LRP1B: variants seen among roughly 807,000 people sequenced by gnomAD.
LRP1B encodes the protein LDL receptor related protein 1B.
LRP1B carries 217 observed loss-of-function variants against 556.6 expected under a neutral mutation model. That is an observed-to-expected ratio of 0.39 (90% CI 0.35 to 0.44). The LOEUF is 0.44. Among genes scored for constraint, LRP1B ranks in the 20% least tolerant of loss-of-function variants. The probability of loss-of-function intolerance (pLI) is 1.00; values close to 1 mark genes in which losing one functional copy is unlikely to be tolerated. For missense variants in LRP1B, 5,053 were observed against 5,620.8 expected, an observed-to-expected ratio of 0.90 and a Z score of 3.23; for synonymous variants, 2,047 against 1,865.8, an observed-to-expected ratio of 1.10 and a Z score of -2.50.
chr2:141,155,636 T>G (rs181429731), intron 7 of LRP1B, among the ~76,000 whole-genome samples: 94 of 152,098 alleles, frequency 6.2e-4, no homozygotes, highest in Non-Finnish European at 1.3e-3. Flanking sequence ...TAACTCACAT[T>G]TTCTGAAACC....
At chr2:141,315,322 C>T (rs1002009113) in intron 3 of LRP1B, among the ~76,000 whole-genome samples, 5 of 127,906 alleles carry the variant, frequency 3.9e-5, no homozygotes, top group African/African-American at 8.9e-5. Context: ...TGCAGTGGCG[C>T]GATCTTGGCT....
At chr2:140,524,675 C>T (rs892478111) in intron 49 of LRP1B, among the ~76,000 whole-genome samples, 5 of 151,812 alleles carry the variant, frequency 3.3e-5, no homozygotes, top group African/African-American at 9.7e-5. Flanking sequence ...GAGCATTATC[C>T]TAAGTAAATC....
chr2:141,618,292 T>C (rs570946707), intron 2 of LRP1B, among the ~76,000 whole-genome samples: 9 of 152,304 alleles, frequency 5.9e-5, no homozygotes, highest in Non-Finnish European at 1.3e-4. Context: ...CACAGATTCC[T>C]ATAGAAGTTG....
chr2:141,616,629 ATATT>A (rs1395114618), intron 2 of LRP1B, among the ~76,000 whole-genome samples: 1 of 152,244 alleles, frequency 6.6e-6, no homozygotes, highest in African/African-American at 2.4e-5. Context: ...TATCTAGGAA[ATATT>A]TATTTACATT....
At chr2:140,607,707 C>G (rs545291285) in intron 41 of LRP1B, among the ~76,000 whole-genome samples, 1 of 151,562 alleles carries the variant, frequency 6.6e-6, no homozygotes, top group Admixed American at 6.6e-5. Context: ...ATACAGGACA[C>G]AATTATAGAA....
intron 1 of LRP1B, among the ~76,000 whole-genome samples, chr2:142,101,535 A>G (rs1675696330): frequency 2.0e-5 from 3 of 151,978 alleles, no homozygotes; most frequent in African/African-American, 4.8e-5. Context: ...ATTCTAGATG[A>G]CTCTTACAGT....
intron 82 of LRP1B, among the ~76,000 whole-genome samples, 173 bp downstream of exon 82, chr2:140,321,790 T>C (rs535231378): frequency 6.6e-6 from 1 of 151,808 alleles, no homozygotes; most frequent in South Asian, 2.1e-4. Flanking sequence ...GCAGAATGAA[T>C]TGTTTGAAAG....
intron 3 of LRP1B, among the ~76,000 whole-genome samples, chr2:141,298,419 A>C (rs1193240757): frequency 6.6e-6 from 1 of 152,172 alleles, no homozygotes; most frequent in Non-Finnish European, 1.5e-5. Context: ...TGAGTTCCAG[A>C]ATGTGGACAA....
chr2:141,826,288 G>C (rs1193484552), intron 1 of LRP1B, among the ~76,000 whole-genome samples: 1 of 148,368 alleles, frequency 6.7e-6, no homozygotes, highest in African/African-American at 2.5e-5. Flanking sequence ...GGTAAATACA[G>C]TTCTATATAA....
At position 140,973,429 on chromosome 2, in the gene LRP1B, G is replaced by T. The variant is rs188954328; in HGVS notation, c.2887+8731C>A. Among the ~76,000 whole-genome samples, 7 of 152,098 alleles carry T rather than the reference G, an allele frequency of 4.6e-5. No homozygotes were observed. The East Asian group carries it at 9.7e-4, about 21-fold the overall frequency. On this transcript the variant is annotated intron_variant, in intron 18 of 90. Coordinates refer to ENST00000389484, the MANE Select transcript of LRP1B (RefSeq NM_018557.3). ...GTTAAGAATTGTAGGAGGATGGGGG[G>T]GTAGAGAGGACCTCACTCATGTACA...
chr2:142,021,196 T>G (rs1402505106), intron 1 of LRP1B, among the ~76,000 whole-genome samples: 1 of 152,148 alleles, frequency 6.6e-6, no homozygotes, highest in African/African-American at 2.4e-5. Context: ...CAATGAAAAT[T>G]ATAAATGAAG....
chr2:140,655,814 G>C (rs1684859538), intron 41 of LRP1B, among the ~76,000 whole-genome samples: 2 of 151,608 alleles, frequency 1.3e-5, no homozygotes, highest in African/African-American at 4.9e-5. Flanking sequence ...ATAGTGGCGG[G>C]CGCCTGTAGT....
At chr2:141,241,119 A>G (rs1292428181) in intron 5 of LRP1B, among the ~76,000 whole-genome samples, 1 of 152,104 alleles carries the variant, frequency 6.6e-6, no homozygotes, top group Non-Finnish European at 1.5e-5. Context: ...AGAGGGAAAA[A>G]AAGTGTGTTG....
chr2:140,697,454 T>G (rs1686472764), intron 41 of LRP1B, among the ~76,000 whole-genome samples: 1 of 152,022 alleles, frequency 6.6e-6, no homozygotes, highest in Non-Finnish European at 1.5e-5. Context: ...ACACTCTCGT[T>G]TTTTTCATCA....
intron 35 of LRP1B, among the ~76,000 whole-genome samples, chr2:140,764,587 A>C (rs67821876): frequency 6.6e-6 from 1 of 152,086 alleles, no homozygotes; most frequent in Non-Finnish European, 1.5e-5. Flanking sequence ...TAAACGTGGC[A>C]ATGATATTTT....
chr2:141,197,920 T>C (rs531892430), intron 6 of LRP1B, among the ~76,000 whole-genome samples: 38 of 152,260 alleles, frequency 2.5e-4, no homozygotes, highest in African/African-American at 8.9e-4. Context: ...AATCCAGATT[T>C]GTTTCTATTC....
chr2:140,863,441 C>A (rs138134339), intron 27 of LRP1B, among the ~76,000 whole-genome samples: 3 of 152,290 alleles, frequency 2.0e-5, no homozygotes, highest in Admixed American at 6.5e-5. Flanking sequence ...TAACGCCCCC[C>A]AATATGTGTT....
At chr2:141,222,692 T>A (rs1683094603) in intron 6 of LRP1B, among the ~76,000 whole-genome samples, 1 of 152,084 alleles carries the variant, frequency 6.6e-6, no homozygotes, top group South Asian at 2.1e-4. Context: ...CACAATCAAG[T>A]TGGCTTCATT....
chr2:141,074,589 C>CTCTCTCTCTCTCTA (rs10643830), intron 7 of LRP1B, among the ~76,000 whole-genome samples: 1 of 136,476 alleles, frequency 7.3e-6, no homozygotes, highest in Non-Finnish European at 1.6e-5. Context: ...CTCTCTCTCT[C>CTCTCTCTCTCTCTA]TATATATATA....
Sources: allele counts gnomAD v4.1 joint callset (sites outside exome capture counted in the v4.1 genomes callset), GRCh38; gene constraint gnomAD v4.1.1; transcripts MANE v1.5; gene names NCBI Gene and HGNC (gene_info 2026-07-23, HGNC 2026-07-21).